The following GCNT4 variants were observed in gnomAD, a reference collection of about 807,000 sequenced individuals.
GCNT4 encodes glucosaminyl (N-acetyl) transferase 4, also known as beta-1,3-galactosyl-O-glycosyl-glycoprotein beta-1,6-N-acetylglucosaminyltransferase 4.
GCNT4 carries 17 observed loss-of-function variants against 31.3 expected under a neutral mutation model. The ratio of observed to expected loss-of-function variants is 0.54; its 90% CI spans 0.37 to 0.81. The LOEUF is 0.81. Among genes scored for constraint, GCNT4 ranks in the 40% least tolerant of loss-of-function variants. The pLI is 0.00. For missense variants in GCNT4, 503 were observed against 525.5 expected, an observed-to-expected ratio of 0.96 and a Z score of 0.42; for synonymous variants, 158 against 190.6, an observed-to-expected ratio of 0.83 and a Z score of 1.41.
downstream of GCNT4, among the ~76,000 whole-genome samples, chr5:75,021,891 T>C (rs2149943026): frequency 6.6e-6 from 1 of 152,258 alleles, no homozygotes; most frequent in East Asian, 1.9e-4. Context: ...ACCCAACATA[T>C]TCATCCTTTC....
chr5:75,032,868 T>G (rs1209293542), intron 3 of GCNT4, among the ~76,000 whole-genome samples: 1 of 118,492 alleles, frequency 8.4e-6, no homozygotes, highest in Non-Finnish European at 1.9e-5. Flanking sequence ...CAATCCCAAA[T>G]AGGGGTGTGT....
intron 2 of GCNT4, among the ~76,000 whole-genome samples, chr5:75,051,891 T>C (rs1158094326): frequency 6.6e-6 from 1 of 152,250 alleles, no homozygotes; most frequent in Admixed American, 6.5e-5. Context: ...GTTCCTTGGC[T>C]ATTGTTTCTC....
intron 3 of GCNT4, among the ~76,000 whole-genome samples, chr5:75,044,719 C>T (rs189609153): frequency 1.3e-3 from 204 of 152,160 alleles, no homozygotes; most frequent in African/African-American, 4.6e-3. Context: ...GCAACAGCCA[C>T]GGATTTCTGC....
the GCNT4 span, among the ~76,000 whole-genome samples, chr5:75,018,625 G>A: frequency 6.6e-6 from 1 of 152,106 alleles, no homozygotes; most frequent in African/African-American, 2.4e-5. Context: ...GAGTGAATTA[G>A]ATCTTCTGAC....
chr5:75,042,684 T>G (rs1743347690), intron 3 of GCNT4, among the ~76,000 whole-genome samples: 1 of 152,206 alleles, frequency 6.6e-6, no homozygotes, highest in Non-Finnish European at 1.5e-5. Flanking sequence ...GAGTTTTAAG[T>G]CATGAGAAGA....
At chr5:75,017,417 C>T in the GCNT4 span, 1 of 152,172 alleles carries the variant, frequency 6.6e-6, no homozygotes, top group Non-Finnish European at 1.5e-5. Flanking sequence ...ATTTCAGTTT[C>T]GGTGTTCCTA....
intron 3 of GCNT4, among the ~76,000 whole-genome samples, chr5:75,034,286 G>A (rs1381594033): frequency 6.6e-6 from 1 of 152,178 alleles, no homozygotes; most frequent in Non-Finnish European, 1.5e-5. Context: ...CCTCCCATTG[G>A]GCTCTGCAGG....
At chr5:75,039,815 G>C (rs1433503818) in intron 3 of GCNT4, among the ~76,000 whole-genome samples, 1 of 152,082 alleles carries the variant, frequency 6.6e-6, no homozygotes, top group Non-Finnish European at 1.5e-5. Flanking sequence ...CTGTACTGTA[G>C]CCAAAATGAT....
chr5:75,037,678 A>C (rs1743228861), intron 3 of GCNT4, among the ~76,000 whole-genome samples: 1 of 152,072 alleles, frequency 6.6e-6, no homozygotes. Context: ...GGAGTTTGAG[A>C]CCAGCCTGGT....
the GCNT4 span, chr5:75,017,431 G>A: frequency 1.3e-5 from 2 of 152,198 alleles, no homozygotes; most frequent in African/African-American, 4.8e-5. Context: ...GTTCCTACCT[G>A]TGTGCTCCAG....
chr5:75,040,680 T>C (rs1743297543), intron 3 of GCNT4, among the ~76,000 whole-genome samples: 1 of 152,196 alleles, frequency 6.6e-6, no homozygotes, highest in African/African-American at 2.4e-5. Flanking sequence ...AAATGTCAGG[T>C]ATGAGGACCT....
chr5:75,030,311 A>C, intron 3 of GCNT4: 1 of 387,748 alleles, frequency 2.6e-6, no homozygotes. Context: ...TAAAATATAA[A>C]TATAGTGTGT....
downstream of GCNT4, among the ~76,000 whole-genome samples, chr5:75,022,944 T>C (rs1362858145): frequency 6.6e-6 from 1 of 152,168 alleles, no homozygotes; most frequent in African/African-American, 2.4e-5. Flanking sequence ...TAAATTACCT[T>C]CCAAGCGCAC....
chr5:75,024,025 C>T (rs1262379642), downstream of GCNT4: 1 of 152,110 alleles, frequency 6.6e-6, no homozygotes, highest in African/African-American at 2.4e-5. Context: ...TCTCTGAAGC[C>T]GTTTGTTTTG....
At chr5:75,024,841 C>T (rs1456798713), downstream of GCNT4, among the ~76,000 whole-genome samples, 1 of 149,638 alleles carries the variant, frequency 6.7e-6, no homozygotes, top group Non-Finnish European at 1.5e-5. Context: ...ATCCCAGTTA[C>T]TTGGGAGGCT....
intron 3 of GCNT4, among the ~76,000 whole-genome samples, chr5:75,040,804 A>T (rs1232500369): frequency 6.6e-6 from 1 of 152,174 alleles, no homozygotes; most frequent in East Asian, 1.9e-4. Flanking sequence ...CATTCTAATC[A>T]TTATTGGTTT....
chr5:75,047,156 C>T (rs1406442043), intron 3 of GCNT4, among the ~76,000 whole-genome samples: 1 of 152,162 alleles, frequency 6.6e-6, no homozygotes, highest in African/African-American at 2.4e-5. Context: ...CTTATGAGGG[C>T]TCCCCTGTCA....
At chr5:75,050,586 G>C (rs1051308925) in intron 2 of GCNT4, among the ~76,000 whole-genome samples, 1 of 152,086 alleles carries the variant, frequency 6.6e-6, no homozygotes, top group Non-Finnish European at 1.5e-5. Context: ...TGGCCACTAG[G>C]GAAGCCATTC....
the GCNT4 span, among the ~76,000 whole-genome samples, chr5:75,018,229 T>C: frequency 2.8e-4 from 43 of 152,300 alleles, no homozygotes; most frequent in Non-Finnish European, 5.1e-4. Context: ...CAACTCAGCA[T>C]AGATGTTGTG....
Sources: allele counts gnomAD v4.1 joint callset (sites outside exome capture counted in the v4.1 genomes callset), GRCh38; gene constraint gnomAD v4.1.1; transcripts MANE v1.5; gene names NCBI Gene and HGNC (gene_info 2026-07-23, HGNC 2026-07-21).